The following TDRD9 variants were observed in gnomAD, a reference collection of about 807,000 sequenced individuals.
TDRD9 encodes the protein tudor domain containing 9.
Under a neutral mutation model 172.6 loss-of-function variants are expected in TDRD9, and 124 were observed. That is an observed-to-expected ratio of 0.72 (90% confidence interval 0.62 to 0.83). The LOEUF is 0.83. Ranked by LOEUF, TDRD9 falls within the 40% of genes least tolerant of loss-of-function variation. The pLI is 0.00. For missense variants in TDRD9, 1,479 were observed against 1,714.1 expected (o/e 0.86, Z 2.42); for synonymous variants, 619 against 617.1 (o/e 1.00, Z -0.05).
At chr14:103,937,850 T>C (rs1187449) in intron 1 of TDRD9, among the ~76,000 whole-genome samples, 145,476 of 151,722 alleles carry the variant, frequency 0.96, 70,062 homozygotes, top group East Asian at 1. Flanking sequence ...TTGAACATGT[T>C]GATTTTCTTT....
chr14:103,968,860 G>A (rs950782846), intron 5 of TDRD9, among the ~76,000 whole-genome samples: 5 of 148,076 alleles, frequency 3.4e-5, no homozygotes, highest in Non-Finnish European at 5.9e-5. Context: ...CAGCACTTTG[G>A]GAGGCCGAGG....
At chr14:104,040,691 G>C (rs1479408687) in intron 33 of TDRD9, among the ~76,000 whole-genome samples, 1 of 152,180 alleles carries the variant, frequency 6.6e-6, no homozygotes, top group African/African-American at 2.4e-5. Flanking sequence ...GTTCTTACTG[G>C]GAAAGGAGGA....
intron 1 of TDRD9, among the ~76,000 whole-genome samples, chr14:103,933,771 G>A (rs1289125530): frequency 6.6e-6 from 1 of 152,122 alleles, no homozygotes; most frequent in East Asian, 1.9e-4. Flanking sequence ...GCTGTATTGG[G>A]CATTGTGTCA....
In TDRD9 at chr14:104,025,384, G is replaced by A. The variant is rs114015713; in HGVS notation, c.2719-180G>A. 5.2e-3 allele frequency among the ~76,000 whole-genome samples: 799 copies of A among 152,214 alleles called. 4 individuals carry two copies. Among genetic ancestry groups the A allele is most frequent in the African/African-American group, 0.018 (732 of 41,532 alleles). ...ACATTTCCTTACCTTAGTTCACCAG[G>A]GGACCCCCTCTTTTTGTCTCATAAA... On this transcript the variant is annotated intron_variant, in intron 25 of 35. Transcript: ENST00000409874.
chr14:104,034,176 T>C (rs2035372881), intron 31 of TDRD9, 107 bp downstream of exon 31: 1 of 538,142 alleles, frequency 1.9e-6, no homozygotes, highest in Non-Finnish European at 3.3e-6. Flanking sequence ...CTACACTATG[T>C]ACTATTCTTT....
At chr14:103,996,346 C>T (rs2034058752) in intron 12 of TDRD9, among the ~76,000 whole-genome samples, 1 of 152,132 alleles carries the variant, frequency 6.6e-6, no homozygotes, top group Admixed American at 6.6e-5. Flanking sequence ...AAGACAAAGT[C>T]CAGTCCTCAT....
chr14:104,021,987 ATAAT>A (rs2034969614), intron 23 of TDRD9, among the ~76,000 whole-genome samples, 166 bp from the exon 24 acceptor site: 1 of 152,208 alleles, frequency 6.6e-6, no homozygotes, highest in Non-Finnish European at 1.5e-5. Context: ...TCTTCAATTA[ATAAT>A]TTTCCATTGG....
chr14:103,981,683 G>C (rs1385961072), intron 7 of TDRD9, among the ~76,000 whole-genome samples: 1 of 152,166 alleles, frequency 6.6e-6, no homozygotes, highest in Non-Finnish European at 1.5e-5. Context: ...CCTTGAATGA[G>C]TTCAGAACAC....
chr14:103,977,705 G>C (rs932936177), intron 7 of TDRD9, among the ~76,000 whole-genome samples: 13 of 139,444 alleles, frequency 9.3e-5, no homozygotes, highest in African/African-American at 3.5e-4. Context: ...TGCTTTTGCT[G>C]TCTGTGCTTT....
In TDRD9 at chr14:104,019,437, A is replaced by G. The variant is rs561874802; in HGVS notation, c.2432+1245A>G. On this transcript the variant is annotated intron_variant, in intron 23 of 35. Coordinates refer to ENST00000409874, the MANE Select transcript of TDRD9 (RefSeq NM_153046.3). ...GAGTGCAGTGGCACAATCTCGGCTCACTGCAACCTCCGCCTCCCATTGCCT... is the reference window on the plus strand; with the variant it reads ...GAGTGCAGTGGCACAATCTCGGCTCGCTGCAACCTCCGCCTCCCATTGCCT... 9.8e-4 allele frequency among the ~76,000 whole-genome samples: 149 copies of G among 152,232 alleles called. 1 individual carries two copies. The highest frequency in any genetic ancestry group is 3.4e-3 in the Middle Eastern group (1 of 294).
At chr14:103,971,229 C>T (rs1054877948) in intron 6 of TDRD9, among the ~76,000 whole-genome samples, 7 of 151,988 alleles carry the variant, frequency 4.6e-5, no homozygotes, top group Admixed American at 1.3e-4. Context: ...GTGATCCGCC[C>T]GCCTTGGCCT....
intron 21 of TDRD9, 146 bp downstream of exon 21, chr14:104,014,987 G>A: frequency 2.1e-6 from 1 of 468,466 alleles, no homozygotes; most frequent in Non-Finnish European, 3.8e-6. Flanking sequence ...CTGCGTTTGG[G>A]AACCAGGAAA....
chr14:104,025,675 C>T lies in TDRD9; in HGVS notation c.2830C>T (p.His944Tyr). 3.7e-6 allele frequency: 6 copies of T among 1,614,010 alleles called. No individual in the cohort carries two copies. The highest frequency in any genetic ancestry group is 5.1e-6 in the Non-Finnish European group (6 of 1,179,880). The change falls in exon 26 of 36, where the codon CAC becomes TAC. Residue 944 changes from histidine to tyrosine, a missense_variant. By Grantham distance (83) the His-to-Tyr change is moderately conservative. Around this residue, in one of 3 missense-constraint regions of TDRD9, gnomAD observed 1,413 missense variants for 1,649.1 expected, o/e 0.86. Coordinates refer to ENST00000409874, the MANE Select transcript of TDRD9 (RefSeq NM_153046.3). ...ACTGACGCTGGTGCCCTTGCCCACT[C>T]ACCCACATCCAGACTTGGTCTGTCT... ...NQLTLVPLPT[H>Y]PHPDLVCLAP...
At chr14:103,983,056 CTTTTTTTTTTTTT>C (rs397853010) in intron 7 of TDRD9, among the ~76,000 whole-genome samples, 1 of 87,616 alleles carries the variant, frequency 1.1e-5, no homozygotes, top group Admixed American at 1.5e-4. Context: ...CTGTGGGTCA[CTTTTTTTTTTTTT>C]TTTTTTTTTT....
At chr14:103,982,586 C>G (rs1269066705) in intron 7 of TDRD9, among the ~76,000 whole-genome samples, 1 of 152,200 alleles carries the variant, frequency 6.6e-6, no homozygotes, top group East Asian at 1.9e-4. Context: ...GAGTCCTTTT[C>G]ATCCTTTATA....
At chr14:103,956,103 AAAAAAAAAATAT>A (rs1240717079) in intron 2 of TDRD9, among the ~76,000 whole-genome samples, 8 of 50,230 alleles carry the variant, frequency 1.6e-4, no homozygotes, top group Admixed American at 2.7e-4. Context: ...AAAAAAAAAA[AAAAAAAAAATAT>A]ATATATATAT....
At chr14:103,993,025 C>CA (rs1332656742) in intron 9 of TDRD9, among the ~76,000 whole-genome samples, 2 of 151,154 alleles carry the variant, frequency 1.3e-5, no homozygotes, top group South Asian at 4.2e-4. Flanking sequence ...GGCTGGAGTA[C>CA]AGTGGTGTGA....
intron 1 of TDRD9, among the ~76,000 whole-genome samples, chr14:103,940,246 T>G (rs1476420930): frequency 1.3e-5 from 2 of 152,198 alleles, no homozygotes; most frequent in African/African-American, 4.8e-5. Flanking sequence ...ACACGTTCCC[T>G]TAATGTTGAG....
chr14:103,943,072 A>G (rs2031336214), intron 1 of TDRD9, among the ~76,000 whole-genome samples: 1 of 151,984 alleles, frequency 6.6e-6, no homozygotes, highest in Non-Finnish European at 1.5e-5. Context: ...TGAAAAACTT[A>G]TATTTACTAT....
Sources: allele counts gnomAD v4.1 joint callset (sites outside exome capture counted in the v4.1 genomes callset), GRCh38; gene constraint gnomAD v4.1.1; regional missense constraint gnomAD v4.1.1; transcripts MANE v1.5; gene names NCBI Gene and HGNC (gene_info 2026-07-23, HGNC 2026-07-21).